NHS: variants seen among roughly 807,000 people sequenced by gnomAD.
The protein encoded by NHS is actin remodeling regulator NHS.
A neutral mutation model predicts 72.5 loss-of-function variants in NHS; 5 were observed. The ratio of observed to expected loss-of-function variants is 0.07; its 90% CI spans 0.04 to 0.14. The LOEUF (loss-of-function observed/expected upper bound fraction) is 0.14, where lower values mean the gene tolerates loss of function less well. Ranked by LOEUF, NHS falls within the 10% of genes least tolerant of loss-of-function variation. The pLI, the probability that NHS is intolerant of heterozygous loss-of-function variation, is 1.00. For synonymous variants in NHS, 464 were observed against 547.7 expected, an observed-to-expected ratio of 0.85 and a Z score of 2.13; for missense variants, 1,072 against 1,355.7, an observed-to-expected ratio of 0.79 and a Z score of 3.29.
chrX:17,499,068 A>G (rs2065026223), intron 1 of NHS, among the ~76,000 whole-genome samples: 1 of 112,160 alleles, frequency 8.9e-6, no homozygotes, highest in African/African-American at 3.2e-5. Context: ...GCAAGTCTTC[A>G]TAGCTACCTG....
intron 1 of NHS, among the ~76,000 whole-genome samples, chrX:17,456,863 C>A (rs995956124): frequency 8.9e-6 from 1 of 111,753 alleles, no homozygotes; most frequent in African/African-American, 3.3e-5. Context: ...GAAGCTGCTA[C>A]AAGAGCGGAT....
At chrX:17,472,199 C>T (rs1057409166) in intron 1 of NHS, among the ~76,000 whole-genome samples, 4 of 110,583 alleles carry the variant, frequency 3.6e-5, no homozygotes. Flanking sequence ...TCAGGGAATG[C>T]ACCAAGGATT....
chrX:17,460,145 A>G lies in NHS; in HGVS notation c.565+83823A>G, dbSNP rs748894718. Among the ~76,000 whole-genome samples, 3 of 111,655 alleles carry G rather than the reference A, an allele frequency of 2.7e-5. No homozygotes were observed. The East Asian group carries it at 8.4e-4, about 31-fold the overall frequency. On this transcript the variant is annotated intron_variant, in intron 1 of 8. Coordinates refer to ENST00000676302, the MANE Select transcript of NHS (RefSeq NM_001291867.2). ...TTATACCCACATTTTCCCAAGTACA[A>G]TGTTTATTTATTTATTTTTCATAAA...
In NHS at chrX:17,726,737, T is replaced by C; in HGVS notation, c.2631T>C (p.Ser877=). Residue 877 remains serine, a synonymous_variant, in exon 7 of 9, where the codon AGT becomes AGC. Coordinates refer to ENST00000676302, the MANE Select transcript of NHS (RefSeq NM_001291867.2). ...ISEKKEPKIS[S]GQHLPHSSRE... ...AGAAGAAAGAACCAAAGATAAGCAG[T>C]GGTCAGCACCTGCCTCACAGTTCCA... 2 of 1,212,046 alleles carry C rather than the reference T, an allele frequency of 1.7e-6. No homozygotes were observed. The highest frequency in any genetic ancestry group is 3.5e-5 in the South Asian group (2 of 57,010).
At chrX:17,543,081 A>G (rs993942339) in intron 1 of NHS, among the ~76,000 whole-genome samples, 9 of 111,482 alleles carry the variant, frequency 8.1e-5, no homozygotes, top group African/African-American at 2.0e-4. Context: ...AATCATCAGG[A>G]GAGTTGGTCA....
At chrX:17,510,073 T>G (rs1249683739) in intron 1 of NHS, among the ~76,000 whole-genome samples, 1 of 112,702 alleles carries the variant, frequency 8.9e-6, no homozygotes, top group Non-Finnish European at 1.9e-5. Context: ...GGGTCTACCT[T>G]GAAGTTTATC....
chrX:17,475,217 T>G (rs896771229), intron 1 of NHS, among the ~76,000 whole-genome samples: 1 of 112,231 alleles, frequency 8.9e-6, no homozygotes, highest in Admixed American at 9.5e-5. Flanking sequence ...TATTCGGAAG[T>G]GTGGAGAAGG....
chrX:17,546,208 T>A (rs751363919), intron 1 of NHS, among the ~76,000 whole-genome samples: 1 of 111,444 alleles, frequency 9.0e-6, no homozygotes, highest in Non-Finnish European at 1.9e-5. Context: ...AATGTAGGGC[T>A]ATTATTAGGG....
intron 1 of NHS, among the ~76,000 whole-genome samples, chrX:17,610,297 T>C (rs1305315474): frequency 8.9e-6 from 1 of 112,267 alleles, no homozygotes; most frequent in African/African-American, 3.2e-5. Flanking sequence ...AAAGAACTAA[T>C]ATCAAATAAA....
chrX:17,415,921 A>G (rs1440401339), intron 1 of NHS, among the ~76,000 whole-genome samples: 2 of 111,776 alleles, frequency 1.8e-5, no homozygotes, highest in Non-Finnish European at 3.8e-5. Flanking sequence ...GGAGATTTTC[A>G]GGCACACAAG....
chrX:17,408,207 T>C (rs773204801), intron 1 of NHS, among the ~76,000 whole-genome samples: 1 of 110,846 alleles, frequency 9.0e-6, no homozygotes, highest in South Asian at 3.9e-4. Context: ...GGTTTTGCCA[T>C]GTTGCCCAGG....
In NHS at chrX:17,727,934, G is replaced by T; in HGVS notation, c.3828G>T (p.Arg1276Ser). 1 of 1,211,344 alleles carries T rather than the reference G, an allele frequency of 8.3e-7. No homozygotes were observed. Among genetic ancestry groups the T allele is most frequent in the Non-Finnish European group, 1.1e-6 (1 of 895,470 alleles). The change falls in exon 7 of 9, where the codon AGG (arginine) becomes AGT (serine). Residue 1276 changes from arginine to serine, a missense_variant. Arg to Ser is a moderately radical substitution (Grantham distance 110, BLOSUM62 -1). Coordinates refer to ENST00000676302, the MANE Select transcript of NHS (RefSeq NM_001291867.2). ...NCAFPTEGFQ[R>S]VSAARPNDLD... ...CTTTTCCCACAGAAGGATTTCAGAG[G>T]GTCTCTGCTGCCCGCCCAAATGATT... is the stretch of plus-strand genomic sequence containing the variant.
At chrX:17,724,960 T>A (rs763184472) in intron 6 of NHS, among the ~76,000 whole-genome samples, 1 of 111,712 alleles carries the variant, frequency 9.0e-6, no homozygotes, top group African/African-American at 3.3e-5. Flanking sequence ...TTATTTCTAA[T>A]AATGAGACCT....
chrX:17,382,816 G>C (rs181120057), intron 1 of NHS, among the ~76,000 whole-genome samples: 75 of 112,149 alleles, frequency 6.7e-4, no homozygotes, highest in Non-Finnish European at 1.1e-3. Flanking sequence ...TCATGCTGAA[G>C]GCTACTTACT....
At chrX:17,431,055 C>T (rs1043127834) in intron 1 of NHS, among the ~76,000 whole-genome samples, 1 of 111,774 alleles carries the variant, frequency 8.9e-6, no homozygotes, top group Non-Finnish European at 1.9e-5. Context: ...ATAGATTATG[C>T]ATTTTTGACT....
At chrX:17,523,843 T>C (rs2065161407) in intron 1 of NHS, among the ~76,000 whole-genome samples, 2 of 111,766 alleles carry the variant, frequency 1.8e-5, no homozygotes, top group African/African-American at 3.3e-5. Context: ...AGTTGAACCA[T>C]GGCCCGAAGT....
chrX:17,637,002 T>C (rs1396109696), intron 1 of NHS, among the ~76,000 whole-genome samples: 1 of 111,896 alleles, frequency 8.9e-6, no homozygotes, highest in Non-Finnish European at 1.9e-5. Flanking sequence ...CAAATCAGAA[T>C]CTCTGGGAGT....
intron 3 of NHS, among the ~76,000 whole-genome samples, chrX:17,704,949 A>G (rs1369832254): frequency 8.9e-6 from 1 of 112,168 alleles, no homozygotes; most frequent in African/African-American, 3.2e-5. Context: ...CAAAGGACAT[A>G]TGGACAAGAT....
intron 1 of NHS, among the ~76,000 whole-genome samples, chrX:17,549,122 T>G (rs1601762712): frequency 1.1e-5 from 1 of 88,909 alleles, no homozygotes; most frequent in African/African-American, 4.7e-5. Context: ...TCAAGATGAG[T>G]AGGCCCCTCA....
Sources: gnomAD v4.1 joint callset for allele counts (sites outside exome capture counted in the v4.1 genomes callset) on GRCh38, gnomAD v4.1.1 for gene constraint, MANE v1.5 for transcripts, NCBI Gene and HGNC (gene_info 2026-07-23, HGNC 2026-07-21) for gene names.